The following DGKD variants were observed in gnomAD, a reference collection of about 807,000 sequenced individuals.
The protein encoded by DGKD is DAG kinase delta.
In DGKD, 68 loss-of-function variants were observed where a neutral mutation model predicts 154.4. The ratio of observed to expected loss-of-function variants is 0.44; its 90% CI spans 0.36 to 0.54. DGKD has a LOEUF of 0.54. DGKD is among the 20% of genes least tolerant of loss of function. DGKD has a pLI of 0.00. For missense variants in DGKD, 1,343 were observed against 1,593.6 expected (o/e 0.84, Z 2.68); for synonymous variants, 693 against 638.0 (o/e 1.09, Z -1.30).
In DGKD at chr2:233,451,013, C is replaced by T. The variant is rs747461841; in HGVS notation, c.2130C>T (p.Asp710=). 54 of 1,612,074 alleles carry T rather than the reference C, an allele frequency of 3.3e-5. No individual in the cohort carries two copies. The highest frequency in any genetic ancestry group is 3.1e-4 in the East Asian group (14 of 44,800). ...TTCCGCCCCAGCCGGGAAGCCGGGACGGCCTGCCTGCGCTCAACACCAAGA... is the reference window on the plus strand; with the variant it reads ...TTCCGCCCCAGCCGGGAAGCCGGGATGGCCTGCCTGCGCTCAACACCAAGA... ...ASLPPQPGSR[D]GLPALNTKIL... is the part of the protein sequence containing the mutation. The change falls in exon 17 of 30, where the codon GAC becomes GAT. Residue 710 remains aspartate, a synonymous_variant. Transcript: ENST00000264057.
intron 27 of DGKD, 32 bp downstream of exon 27, chr2:233,464,315 C>T (rs2063761994): frequency 1.9e-6 from 3 of 1,608,028 alleles, no homozygotes; most frequent in South Asian, 2.2e-5. Flanking sequence ...GCCTGGGTCT[C>T]CCGGACATGG....
rs2063896319 is a variant in DGKD, at chr2:233,468,412, A to G, written c.3425-11A>G. On this transcript the variant is annotated splice_polypyrimidine_tract_variant and intron_variant, in intron 28 of 29. Coordinates refer to ENST00000264057, the MANE Select transcript of DGKD (RefSeq NM_152879.3). Reference sequence around the variant, plus strand: ...GCACTCACTGCACTCGTGCTTTTCCATCTCCGACAGTTCACCTCTGGGGGA... The same window carrying G: ...GCACTCACTGCACTCGTGCTTTTCCGTCTCCGACAGTTCACCTCTGGGGGA... 5.0e-6 allele frequency: 8 copies of G among 1,611,002 alleles called. No homozygotes were observed. Among genetic ancestry groups the G allele is most frequent in the African/African-American group, 1.4e-5 (1 of 74,034 alleles).
At chr2:233,433,499 A>G (rs952549110) in intron 3 of DGKD, among the ~76,000 whole-genome samples, 1 of 152,238 alleles carries the variant, frequency 6.6e-6, no homozygotes, top group Non-Finnish European at 1.5e-5. Flanking sequence ...TGTAGTTAGA[A>G]TAAACGAGAT....
intron 1 of DGKD, chr2:233,386,158 TC>T (rs1212374557): frequency 9.8e-6 from 3 of 306,174 alleles, no homozygotes; most frequent in Non-Finnish European, 1.3e-5. Flanking sequence ...GTTGGTTTTG[TC>T]TTTTTTTTTT....
In DGKD at chr2:233,448,364, A is replaced by G. The variant is rs763411510; in HGVS notation, c.1603A>G (p.Met535Val). Residue 535 changes from methionine to valine, a missense_variant, in exon 14 of 30, where the codon ATG becomes GTG. Met to Val is a conservative substitution (Grantham distance 21, BLOSUM62 1). Coordinates refer to ENST00000264057, the MANE Select transcript of DGKD (RefSeq NM_152879.3). The part of the protein sequence containing the change: ...TTESSEESEV[M>V]AKKCSVLKEK... ...CGAGAGCTCGGAGGAGTCAGAGGTC[A>G]TGGCCAAGAAGGTCTGTTCCCGTGC... 2 of 1,614,030 alleles carry G rather than the reference A, an allele frequency of 1.2e-6. No homozygotes were observed. The highest frequency in any genetic ancestry group is 1.7e-5 in the Admixed American group (1 of 60,024).
At chr2:233,395,630 C>T (rs1703968812) in intron 3 of DGKD, among the ~76,000 whole-genome samples, 1 of 137,610 alleles carries the variant, frequency 7.3e-6, no homozygotes, top group African/African-American at 2.7e-5. Flanking sequence ...CCCCGCTTCT[C>T]TCTTTTTCTA....
At chr2:233,355,022 G>A (rs963038221) in intron 1 of DGKD, among the ~76,000 whole-genome samples, 5 of 151,796 alleles carry the variant, frequency 3.3e-5, no homozygotes, top group Admixed American at 2.6e-4. Context: ...GTGCCACCGA[G>A]CGGGTCCCAC....
chr2:233,468,697 T>C, intron 29 of DGKD, 144 bp downstream of exon 29: 1 of 1,321,512 alleles, frequency 7.6e-7, no homozygotes, highest in Non-Finnish European at 1.0e-6. Flanking sequence ...GGGGCGGCTG[T>C]GGCCCTCATC....
intron 9 of DGKD, among the ~76,000 whole-genome samples, chr2:233,439,546 T>A (rs902808183): frequency 1.3e-5 from 2 of 152,218 alleles, no homozygotes; most frequent in African/African-American, 4.8e-5. Context: ...AGTAGGCTGA[T>A]CAAGATATTT....
At chr2:233,378,241 C>T (rs747169728) in intron 1 of DGKD, among the ~76,000 whole-genome samples, 4 of 151,932 alleles carry the variant, frequency 2.6e-5, no homozygotes, top group Non-Finnish European at 2.9e-5. Flanking sequence ...TGGTGAAACC[C>T]GTCTTTACTA....
intron 29 of DGKD, 93 bp downstream of exon 29, chr2:233,468,646 GC>G: frequency 1.9e-6 from 3 of 1,561,102 alleles, no homozygotes; most frequent in South Asian, 1.2e-5. Flanking sequence ...CCATGTCCCA[GC>G]ATCACGATTC....
At chr2:233,366,252 C>T (rs1340223745) in intron 1 of DGKD, among the ~76,000 whole-genome samples, 2 of 152,164 alleles carry the variant, frequency 1.3e-5, no homozygotes, top group South Asian at 2.1e-4. Context: ...CTAATTGGAT[C>T]GTGGTTGAAA....
At chr2:233,420,903 T>C (rs2971868) in intron 3 of DGKD, among the ~76,000 whole-genome samples, 104,256 of 151,960 alleles carry the variant, frequency 0.69, 36,731 homozygotes, top group African/African-American at 0.86. Context: ...TATGCTTATC[T>C]TCGTCTTCTT....
intron 1 of DGKD, among the ~76,000 whole-genome samples, chr2:233,379,415 G>A (rs894914845): frequency 5.9e-5 from 9 of 152,166 alleles, no homozygotes; most frequent in Non-Finnish European, 1.2e-4. Context: ...GGAGGAGCCC[G>A]GTGGGCCACG....
rs1305674838 is a variant in DGKD at position 233,458,614 on chromosome 2, T to A, written c.2694+217T>A. Reference sequence around the variant, plus strand: ...AATTCTCAAGATAACTCTTTTTAATTTTTTTTTTTTTTTTTGAGACAGAGT... The same window carrying A: ...AATTCTCAAGATAACTCTTTTTAATATTTTTTTTTTTTTTTGAGACAGAGT... On this transcript the variant is annotated intron_variant, in intron 22 of 29. Transcript: ENST00000264057. The surrounding 1 kb of genome is among the most constrained non-coding windows in gnomAD (Gnocchi z 6.6). 2.7e-4 allele frequency among the ~76,000 whole-genome samples: 31 copies of A among 113,960 alleles called. No homozygotes were observed. The highest frequency in any genetic ancestry group is 1.4e-3 in the African/African-American group (31 of 22,380). 74.8% of individuals were successfully genotyped at this position (113,960 alleles called of 152,430 possible). A position where few individuals can be genotyped will look rare whatever the true frequency, so the allele number is the denominator to read the frequency against.
intron 10 of DGKD, among the ~76,000 whole-genome samples, chr2:233,444,809 G>A (rs755582670): frequency 1.3e-5 from 2 of 151,538 alleles, no homozygotes; most frequent in Admixed American, 1.3e-4. Context: ...GGGCTGTACG[G>A]TGCTGTAGGC....
At chr2:233,409,931 G>C (rs1031492947) in intron 3 of DGKD, among the ~76,000 whole-genome samples, 1 of 152,000 alleles carries the variant, frequency 6.6e-6, no homozygotes, top group Non-Finnish European at 1.5e-5. Context: ...CAGGCCTGTG[G>C]CTGGGTGTGT....
At chr2:233,362,360 A>G (rs1701825080) in intron 1 of DGKD, among the ~76,000 whole-genome samples, 1 of 152,208 alleles carries the variant, frequency 6.6e-6, no homozygotes, top group South Asian at 2.1e-4. Flanking sequence ...ATATTTGAAA[A>G]GATAATGTGG....
chr2:233,394,690 C>CTTTTTTTTTTTTTTTTTTT (rs1703879704), intron 3 of DGKD, among the ~76,000 whole-genome samples: 1 of 83,252 alleles, frequency 1.2e-5, no homozygotes, highest in African/African-American at 4.4e-5. Context: ...AATTTAATTC[C>CTTTTTTTTTTTTTTTTTTT]CTTTTTTTTT....
Sources: allele counts gnomAD v4.1 joint callset (sites outside exome capture counted in the v4.1 genomes callset), GRCh38; gene constraint gnomAD v4.1.1; non-coding constraint Gnocchi (gnomAD v3.1); transcripts MANE v1.5; gene names NCBI Gene and HGNC (gene_info 2026-07-23, HGNC 2026-07-21).